The following ASAP1 variants were observed in gnomAD, a reference collection of about 807,000 sequenced individuals.
The protein encoded by ASAP1 is arf-GAP with SH3 domain, ANK repeat and PH domain-containing protein 1.
Under a neutral mutation model 145.2 loss-of-function variants are expected in ASAP1, and 43 were observed. The observed-to-expected ratio is 0.30, with a 90% CI of 0.23 to 0.38. The LOEUF (loss-of-function observed/expected upper bound fraction) is 0.38. Ranked by LOEUF, ASAP1 falls within the 10% of genes least tolerant of loss-of-function variation. The pLI is 1.00. For missense variants in ASAP1, 1,018 were observed against 1,355.3 expected (o/e 0.75, Z 3.91); for synonymous variants, 546 against 515.5 (o/e 1.06, Z -0.80).
intron 9 of ASAP1, among the ~76,000 whole-genome samples, chr8:130,173,357 G>C (rs1813715142): frequency 6.6e-6 from 1 of 152,196 alleles, no homozygotes; most frequent in Non-Finnish European, 1.5e-5. Context: ...AGTTCCAGCT[G>C]TGGACAGGGT....
intron 7 of ASAP1, among the ~76,000 whole-genome samples, chr8:130,186,480 C>T (rs1008875930): frequency 6.6e-6 from 1 of 152,072 alleles, no homozygotes; most frequent in African/African-American, 2.4e-5. Flanking sequence ...CCCACCCCAC[C>T]CTACTGCTTG....
intron 3 of ASAP1, among the ~76,000 whole-genome samples, chr8:130,352,884 G>C (rs969838981): frequency 6.6e-6 from 1 of 152,106 alleles, no homozygotes; most frequent in Non-Finnish European, 1.5e-5. Context: ...AACACACCAG[G>C]TGAATACATT....
chr8:130,262,238 TACAAAA>T (rs1272284920), intron 3 of ASAP1, among the ~76,000 whole-genome samples: 10 of 150,866 alleles, frequency 6.6e-5, no homozygotes, highest in African/African-American at 2.4e-4. Context: ...CTACTAAAAA[TACAAAA>T]ACTAGCCGGG....
intron 12 of ASAP1, among the ~76,000 whole-genome samples, chr8:130,153,615 G>A (rs1188794382): frequency 1.3e-5 from 2 of 151,648 alleles, no homozygotes; most frequent in South Asian, 2.1e-4. Context: ...CAATCTGCCC[G>A]CCTCGCCCTC....
intron 3 of ASAP1, among the ~76,000 whole-genome samples, chr8:130,302,393 T>A (rs182443788): frequency 7.2e-5 from 11 of 152,244 alleles, no homozygotes; most frequent in Admixed American, 6.5e-4. Context: ...TGAACAGCTA[T>A]CTCAAAGGCA....
intron 3 of ASAP1, among the ~76,000 whole-genome samples, chr8:130,247,550 C>T (rs1371647501): frequency 6.6e-6 from 1 of 151,990 alleles, no homozygotes; most frequent in Middle Eastern, 3.2e-3. Flanking sequence ...AACAAGGATT[C>T]AGTCATCAGG....
intron 3 of ASAP1, among the ~76,000 whole-genome samples, chr8:130,331,500 T>C (rs1467768381): frequency 1.3e-5 from 2 of 152,180 alleles, no homozygotes; most frequent in Non-Finnish European, 2.9e-5. Flanking sequence ...GTCCACAGAC[T>C]ATGGAATCTG....
intron 2 of ASAP1, among the ~76,000 whole-genome samples, chr8:130,374,930 G>A (rs988543550): frequency 6.6e-6 from 1 of 152,222 alleles, no homozygotes; most frequent in Admixed American, 6.5e-5. Flanking sequence ...ACATGTGAAA[G>A]AGGATTCCAC....
chr8:130,149,426 C>T (rs1171636480), intron 13 of ASAP1, among the ~76,000 whole-genome samples: 2 of 151,900 alleles, frequency 1.3e-5, no homozygotes, highest in Non-Finnish European at 2.9e-5. Context: ...GGATGGGCTG[C>T]CAATTTTTCA....
At chr8:130,124,125 A>C (rs1284283481) in intron 17 of ASAP1, 21 bp from the exon 18 acceptor site, 3 of 1,533,220 alleles carry the variant, frequency 2.0e-6, no homozygotes, top group Admixed American at 1.9e-5. Context: ...AAAAACAAAC[A>C]ACCACAATAT....
chr8:130,218,998 G>A (rs923332930), intron 4 of ASAP1, among the ~76,000 whole-genome samples: 11 of 151,968 alleles, frequency 7.2e-5, no homozygotes, highest in African/African-American at 2.7e-4. Flanking sequence ...ATATCTTGGG[G>A]TAATAATAAC....
At chr8:130,207,429 C>A (rs960991343) in intron 5 of ASAP1, among the ~76,000 whole-genome samples, 1 of 152,160 alleles carries the variant, frequency 6.6e-6, no homozygotes. Flanking sequence ...AAAAATGCCA[C>A]CAGAATGGCA....
chr8:130,431,479 C>A (rs961102787), intron 1 of ASAP1, among the ~76,000 whole-genome samples: 2 of 152,118 alleles, frequency 1.3e-5, no homozygotes, highest in African/African-American at 4.8e-5. Context: ...CTATTGGTAC[C>A]ATTCACATCC....
chr8:130,197,534 A>G (rs1052849811), intron 5 of ASAP1, among the ~76,000 whole-genome samples: 1 of 152,270 alleles, frequency 6.6e-6, no homozygotes, highest in African/African-American at 2.4e-5. Flanking sequence ...ACACAGTCTC[A>G]TTAGCTGCTC....
At chr8:130,231,660 C>G (rs993289938) in intron 4 of ASAP1, among the ~76,000 whole-genome samples, 1 of 152,160 alleles carries the variant, frequency 6.6e-6, no homozygotes, top group African/African-American at 2.4e-5. Context: ...ATACCTGTAC[C>G]TGTGTTGTGT....
chr8:130,220,329 A>G (rs1416525792), intron 4 of ASAP1, among the ~76,000 whole-genome samples: 1 of 152,182 alleles, frequency 6.6e-6, no homozygotes, highest in Non-Finnish European at 1.5e-5. Flanking sequence ...TATTGACTAA[A>G]TGTTATTGTA....
intron 4 of ASAP1, among the ~76,000 whole-genome samples, chr8:130,217,521 T>C (rs1052719619): frequency 1.7e-5 from 2 of 119,796 alleles, no homozygotes; most frequent in Non-Finnish European, 3.8e-5. Flanking sequence ...TATGTGTATA[T>C]ATGTGTGTAT....
chr8:130,354,330 G>A (rs1826177509), intron 3 of ASAP1, among the ~76,000 whole-genome samples: 1 of 152,196 alleles, frequency 6.6e-6, no homozygotes, highest in Non-Finnish European at 1.5e-5. Context: ...TCATATGAGA[G>A]GTAAATGTAA....
chr8:130,086,023 G>A (rs1233740796), intron 25 of ASAP1, among the ~76,000 whole-genome samples: 1 of 152,196 alleles, frequency 6.6e-6, no homozygotes, highest in Non-Finnish European at 1.5e-5. Context: ...AGGGTGCCAT[G>A]CTGCAGATGG....
Sources: allele counts gnomAD v4.1 joint callset (sites outside exome capture counted in the v4.1 genomes callset), GRCh38; gene constraint gnomAD v4.1.1; transcripts MANE v1.5; gene names NCBI Gene and HGNC (gene_info 2026-07-23, HGNC 2026-07-21).